Variants in SCMH1 observed in about 807,000 individuals in gnomAD.
SCMH1 encodes the protein polycomb protein SCMH1.
Under a neutral mutation model 70.8 loss-of-function variants are expected in SCMH1, and 37 were observed. That is an observed-to-expected ratio of 0.52 (90% confidence interval 0.40 to 0.69). The LOEUF is 0.69. Among genes scored for constraint, SCMH1 ranks in the 30% least tolerant of loss-of-function variants. The probability of loss-of-function intolerance (pLI) is 0.00; values close to 1 mark genes in which losing one functional copy is unlikely to be tolerated. For missense variants in SCMH1, 607 were observed against 827.3 expected (o/e 0.73, Z 3.27); for synonymous variants, 292 against 307.4 (o/e 0.95, Z 0.52).
intron 2 of SCMH1, among the ~76,000 whole-genome samples, chr1:41,176,731 G>C (rs1647178879): frequency 6.6e-6 from 1 of 152,196 alleles, no homozygotes; most frequent in Non-Finnish European, 1.5e-5. Context: ...TGAGGCTTGA[G>C]TAAGTAAAAA....
chr1:41,212,144 C>T (rs1657167932), intron 1 of SCMH1, among the ~76,000 whole-genome samples: 1 of 152,066 alleles, frequency 6.6e-6, no homozygotes, highest in African/African-American at 2.4e-5. Context: ...CACATGTACC[C>T]TAGAACTTAA....
chr1:41,054,602 G>A (rs1649546180), intron 10 of SCMH1, among the ~76,000 whole-genome samples: 1 of 152,180 alleles, frequency 6.6e-6, no homozygotes, highest in Non-Finnish European at 1.5e-5. Context: ...AATCTTAAGG[G>A]CAAGCCTCAC....
chr1:41,092,705 G>A (rs1416348326), intron 8 of SCMH1, among the ~76,000 whole-genome samples: 1 of 152,132 alleles, frequency 6.6e-6, no homozygotes, highest in Non-Finnish European at 1.5e-5. Context: ...ATCAAAAAGT[G>A]GGCAAAGGAT....
chr1:41,140,859 C>A (rs1572535419), intron 6 of SCMH1, among the ~76,000 whole-genome samples: 1 of 152,206 alleles, frequency 6.6e-6, no homozygotes, highest in Non-Finnish European at 1.5e-5. Context: ...AGTCAGGAGA[C>A]AACTTGACAA....
intron 12 of SCMH1, 78 bp downstream of exon 12, chr1:41,046,329 G>A: frequency 7.7e-7 from 1 of 1,304,004 alleles, no homozygotes; most frequent in East Asian, 2.3e-5. Context: ...TAGTTCTGAA[G>A]GCTGACCCTG....
chr1:41,080,998 T>C (rs1349544742), intron 8 of SCMH1, among the ~76,000 whole-genome samples: 1 of 152,184 alleles, frequency 6.6e-6, no homozygotes, highest in African/African-American at 2.4e-5. Flanking sequence ...ATTGTTTACA[T>C]AAATATTCCT....
intron 2 of SCMH1, among the ~76,000 whole-genome samples, chr1:41,182,339 TA>T (rs1474282970): frequency 6.6e-6 from 1 of 152,070 alleles, no homozygotes; most frequent in Non-Finnish European, 1.5e-5. Context: ...CCCTAAAACT[TA>T]AAGTATAATA....
At chr1:41,048,359 G>C (rs768898615) in intron 11 of SCMH1, among the ~76,000 whole-genome samples, 3 of 152,194 alleles carry the variant, frequency 2.0e-5, no homozygotes, top group Non-Finnish European at 4.4e-5. Flanking sequence ...GTGGGAGGCT[G>C]CAACAGTCTG....
intron 10 of SCMH1, among the ~76,000 whole-genome samples, chr1:41,069,492 A>G (rs938931366): frequency 6.6e-6 from 1 of 152,186 alleles, no homozygotes; most frequent in African/African-American, 2.4e-5. Flanking sequence ...TCATTCCTTT[A>G]AACTATGAAT....
At chr1:41,106,371 C>T (rs1667922781) in intron 8 of SCMH1, among the ~76,000 whole-genome samples, 1 of 151,716 alleles carries the variant, frequency 6.6e-6, no homozygotes, top group South Asian at 2.1e-4. Context: ...CCCCACACTG[C>T]CATCTGCCTG....
intron 4 of SCMH1, 89 bp downstream of exon 4, chr1:41,160,786 C>G: frequency 8.0e-7 from 1 of 1,245,930 alleles, no homozygotes. Flanking sequence ...ACGTGGAATT[C>G]TTTTCCTCGT....
At chr1:41,146,031 T>C (rs1644524761) in intron 5 of SCMH1, among the ~76,000 whole-genome samples, 1 of 152,148 alleles carries the variant, frequency 6.6e-6, no homozygotes, top group Non-Finnish European at 1.5e-5. Flanking sequence ...GCAGCTCCTT[T>C]AGGAGGTATT....
intron 8 of SCMH1, among the ~76,000 whole-genome samples, chr1:41,088,414 T>C (rs1195546394): frequency 6.6e-6 from 1 of 152,146 alleles, no homozygotes; most frequent in Non-Finnish European, 1.5e-5. Context: ...TCCATAAAGA[T>C]AAGGACAAAA....
At chr1:41,185,283 T>C (rs1257967546) in intron 2 of SCMH1, among the ~76,000 whole-genome samples, 5 of 152,144 alleles carry the variant, frequency 3.3e-5, no homozygotes, top group Non-Finnish European at 7.4e-5. Flanking sequence ...GAGAGTTACA[T>C]AAGTGTGATA....
intron 10 of SCMH1, among the ~76,000 whole-genome samples, chr1:41,066,777 T>C (rs1452131382): frequency 6.6e-6 from 1 of 151,948 alleles, no homozygotes; most frequent in Non-Finnish European, 1.5e-5. Context: ...TTAGTGGAGA[T>C]AGGGGTCTCA....
chr1:41,110,940 C>A (rs2147831024), intron 8 of SCMH1, among the ~76,000 whole-genome samples: 1 of 152,332 alleles, frequency 6.6e-6, no homozygotes, highest in Middle Eastern at 3.4e-3. Context: ...ACATTCTCAG[C>A]AACATTTGTT....
chr1:41,071,901 C>T (rs1405277701), intron 9 of SCMH1, among the ~76,000 whole-genome samples: 2 of 152,174 alleles, frequency 1.3e-5, no homozygotes, highest in East Asian at 1.9e-4. Context: ...CCTGCTCAAG[C>T]GATCCTCCTA....
At chr1:41,071,748 C>G (rs1019656581) in intron 9 of SCMH1, among the ~76,000 whole-genome samples, 4 of 152,028 alleles carry the variant, frequency 2.6e-5, no homozygotes, top group African/African-American at 9.7e-5. Flanking sequence ...CTGCGACCTC[C>G]ACCTCCCAGG....
chr1:41,059,374 G>T (rs1486107239), intron 10 of SCMH1, among the ~76,000 whole-genome samples: 2 of 152,208 alleles, frequency 1.3e-5, no homozygotes, highest in Non-Finnish European at 2.9e-5. Flanking sequence ...AAGAGTGGCA[G>T]AATGGCACAG....
Sources: gnomAD v4.1 joint callset for allele counts (sites outside exome capture counted in the v4.1 genomes callset) on GRCh38, gnomAD v4.1.1 for gene constraint, MANE v1.5 for transcripts, NCBI Gene and HGNC (gene_info 2026-07-23, HGNC 2026-07-21) for gene names.